JAKMIP1: variants seen among roughly 807,000 people sequenced by gnomAD.
JAKMIP1 encodes the protein janus kinase and microtubule interacting protein 1.
A neutral mutation model predicts 113.0 loss-of-function variants in JAKMIP1; 33 were observed. The ratio of observed to expected loss-of-function variants is 0.29; its 90% CI spans 0.22 to 0.39. The LOEUF (loss-of-function observed/expected upper bound fraction) is 0.39, where lower values mean the gene tolerates loss of function less well. JAKMIP1 is among the 10% of genes least tolerant of loss of function. The pLI is 1.00. For synonymous variants in JAKMIP1, 480 were observed against 459.9 expected (o/e 1.04, Z -0.56); for missense variants, 813 against 1,080.5 (o/e 0.75, Z 3.47).
intron 19 of JAKMIP1, among the ~76,000 whole-genome samples, chr4:6,035,195 C>G (rs966283957): frequency 6.6e-6 from 1 of 152,032 alleles, no homozygotes; most frequent in African/African-American, 2.4e-5. Context: ...TCCCTCCCCA[C>G]TGGTAATCTA....
rs369199720 is a variant in JAKMIP1 at position 6,178,278 on chromosome 4, C to T, written c.-148+21975G>A. On this transcript the variant is annotated intron_variant, in intron 1 of 20. Transcript: ENST00000409021. The surrounding 1 kb of genome is among the most constrained non-coding windows in gnomAD (Gnocchi z 5.5). ...AAGCAGCTTTTCCTTTGTTACCCTA[C>T]GATATGGTTTGGCTGTGTCCCCACC... 1.1e-4 allele frequency among the ~76,000 whole-genome samples: 17 copies of T among 152,302 alleles called. No individual in the cohort carries two copies. The highest frequency in any genetic ancestry group is 3.4e-3 in the Middle Eastern group (1 of 294).
rs1046380016 is a variant in JAKMIP1 at position 6,094,092 on chromosome 4, C to T, written c.625-8463G>A. ...TAGCCATGGCCCCCCAGGACTCCCCCGAGAGGCTGGCCCAGCAGGCATCTA... is the reference window on the plus strand; with the variant it reads ...TAGCCATGGCCCCCCAGGACTCCCCTGAGAGGCTGGCCCAGCAGGCATCTA... On this transcript the variant is annotated intron_variant, in intron 3 of 20. Coordinates refer to ENST00000409021, the MANE Select transcript of JAKMIP1 (RefSeq NM_001099433.2). This position sits in a 1 kb window ranked among gnomAD's most constrained non-coding sequence, Gnocchi z 4.2. Among the ~76,000 whole-genome samples, 3 of 152,086 alleles carry T rather than the reference C, an allele frequency of 2.0e-5. No homozygotes were observed. Among genetic ancestry groups the T allele is most frequent in the African/African-American group, 7.2e-5 (3 of 41,394 alleles).
rs963185092 is a variant in JAKMIP1 at position 6,089,131 on chromosome 4, C to T, written c.625-3502G>A. On this transcript the variant is annotated intron_variant, in intron 3 of 20. Transcript: ENST00000409021. This position sits in a 1 kb window ranked among gnomAD's most constrained non-coding sequence, Gnocchi z 5.3. ...AATGTGGGACCTGGCACAGTGGTGG[C>T]ATCCCCCCAGCACAGCATGAGAGCC... Among the ~76,000 whole-genome samples the T allele has an allele frequency of 6.6e-6, 1 of 152,206 alleles. No individual in the cohort carries two copies. The highest frequency in any genetic ancestry group is 1.5e-5 in the Non-Finnish European group (1 of 68,038).
In JAKMIP1 at chr4:6,098,739, G is replaced by GAAAGAAAGA. The variant is rs11388120; in HGVS notation, c.624+6733_624+6734insTCTTTCTTT. On this transcript the variant is annotated intron_variant, in intron 3 of 20. Coordinates refer to ENST00000409021, the MANE Select transcript of JAKMIP1 (RefSeq NM_001099433.2). ...AAGAAAGAAAAAGAAAGAAAGAGAA[G>GAAAGAAAGA]GAAGGAAGGAAGGAAAGAAAGAGAA... Among the ~76,000 whole-genome samples the GAAAGAAAGA allele has an allele frequency of 2.8e-3, 22 of 7,882 alleles. 1 individual carries two copies. Among genetic ancestry groups the GAAAGAAAGA allele is most frequent in the South Asian group, 0.011 (3 of 284 alleles). The allele number at this position is 7,882 out of a possible 152,430, so 5.2% of individuals were successfully genotyped here.
chr4:6,083,606 C>T (rs62284786), intron 5 of JAKMIP1, among the ~76,000 whole-genome samples: 1 of 145,576 alleles, frequency 6.9e-6, no homozygotes, highest in African/African-American at 2.5e-5. Flanking sequence ...CTGATTAAAG[C>T]CAAAAAAAAA....
At chr4:6,198,743 G>A (rs895109095) in intron 1 of JAKMIP1, among the ~76,000 whole-genome samples, 4 of 152,182 alleles carry the variant, frequency 2.6e-5, no homozygotes, top group Non-Finnish European at 5.9e-5. Flanking sequence ...GCCCTGCTAG[G>A]AAAGGATTCT....
intron 3 of JAKMIP1, 29 bp downstream of exon 3, chr4:6,105,444 C>A: frequency 6.4e-7 from 1 of 1,554,430 alleles, no homozygotes; most frequent in Non-Finnish European, 8.7e-7. Context: ...GGCCGCGTGC[C>A]CGCGGGCGGG....
rs1714533409 is a variant in JAKMIP1, at chr4:6,043,000, C to T, written c.2029-773G>A. Among the ~76,000 whole-genome samples the T allele has an allele frequency of 6.6e-6, 1 of 151,954 alleles. No homozygotes were observed. Among genetic ancestry groups the T allele is most frequent in the Admixed American group, 6.5e-5 (1 of 15,268 alleles). On this transcript the variant is annotated intron_variant, in intron 16 of 20. Transcript: ENST00000409021. The surrounding 1 kb of genome is among the most constrained non-coding windows in gnomAD (Gnocchi z 5.2). ...GGTGAGCACGGAGGCAGGTGTCATA[C>T]GTGGATGTGCCTCTACGAGGAGCCC...
Position 6,153,515 on chromosome 4 carries a change from T to C in JAKMIP1, c.-147-40518A>G, listed in dbSNP as rs958646794. Reference sequence around the variant, plus strand: ...CCGCCGCTGTGACTTCTGCATAAAATGCATGGTTCTTCTTTTCTTAAAATT... The same window carrying C: ...CCGCCGCTGTGACTTCTGCATAAAACGCATGGTTCTTCTTTTCTTAAAATT... On this transcript the variant is annotated intron_variant, in intron 1 of 20. Coordinates refer to ENST00000409021, the MANE Select transcript of JAKMIP1 (RefSeq NM_001099433.2). This position sits in a 1 kb window ranked among gnomAD's most constrained non-coding sequence, Gnocchi z 4.9. Among the ~76,000 whole-genome samples the C allele has an allele frequency of 2.6e-5, 4 of 152,232 alleles. No homozygotes were observed. Among genetic ancestry groups the C allele is most frequent in the African/African-American group, 9.6e-5 (4 of 41,468 alleles).
intron 1 of JAKMIP1, among the ~76,000 whole-genome samples, chr4:6,195,147 A>T (rs73200272): frequency 0.098 from 14,876 of 152,296 alleles, 937 homozygotes; most frequent in African/African-American, 0.17. Flanking sequence ...TGGGACAAGA[A>T]TAGCCGGTAA....
In JAKMIP1 at chr4:6,089,211, C is replaced by G. The variant is rs528658909; in HGVS notation, c.625-3582G>C. Among the ~76,000 whole-genome samples the G allele has an allele frequency of 1.2e-4, 18 of 152,320 alleles. No homozygotes were observed. The highest frequency in any genetic ancestry group is 2.2e-4 in the Non-Finnish European group (15 of 68,040). ...AGAGCAGAGCCCAAGAACCTGGGAT[C>G]CTGGATGACATCGTTAGTGCACCTG... On this transcript the variant is annotated intron_variant, in intron 3 of 20. Coordinates refer to ENST00000409021, the MANE Select transcript of JAKMIP1 (RefSeq NM_001099433.2). This position sits in a 1 kb window ranked among gnomAD's most constrained non-coding sequence, Gnocchi z 5.3.
rs1714203607 is a variant in JAKMIP1, at chr4:6,040,790, TAG to T, written c.2098-76_2098-75del. On this transcript the variant is annotated intron_variant, in intron 17 of 20. Transcript: ENST00000409021. This position sits in a 1 kb window ranked among gnomAD's most constrained non-coding sequence, Gnocchi z 5.8. ...CATGACAGCTTCAGAGCCCGTTTGC[TAG>T]AGAGTGGCAGTCTCACCGAATTGGG... 10 of 1,197,506 alleles carry T rather than the reference TAG, an allele frequency of 8.4e-6. No homozygotes were observed. Among genetic ancestry groups the T allele is most frequent in the Non-Finnish European group, 1.1e-5 (9 of 816,554 alleles). The allele number at this position is 1,197,506 out of a possible 1,614,324, so 74.2% of individuals were successfully genotyped here. A position where few individuals can be genotyped will look rare whatever the true frequency, so the allele number is the denominator to read the frequency against.
chr4:6,170,359 C>T lies in JAKMIP1; in HGVS notation c.-148+29894G>A, dbSNP rs547735938. 2.3e-3 allele frequency among the ~76,000 whole-genome samples: 351 copies of T among 151,088 alleles called. 2 individuals are homozygous for T. The highest frequency in any genetic ancestry group is 3.9e-3 in the Non-Finnish European group (263 of 67,674). The stretch of plus-strand genomic sequence containing the variant: ...TCCCCACCCTTCTCACCACCACCAC[C>T]ACCACCTCTATCACCACCATCACCA... On this transcript the variant is annotated intron_variant, in intron 1 of 20. Coordinates refer to ENST00000409021, the MANE Select transcript of JAKMIP1 (RefSeq NM_001099433.2).
At position 6,084,967 on chromosome 4, in the gene JAKMIP1, TAAAAA is replaced by T. The variant is rs56874913; in HGVS notation, c.835-7_835-3del. The T allele has an allele frequency of 8.4e-4, 317 of 376,694 alleles. No homozygotes were observed. Among genetic ancestry groups the T allele is most frequent in the Middle Eastern group, 2.5e-3 (2 of 804 alleles). 23.3% of individuals were successfully genotyped at this position (376,694 alleles called of 1,614,324 possible). ...ATCTCGCTCGTCCATATGTTGATCC[TAAAAA>T]AAAAAAAAAAAAAAAAAAAAAAGTC... On this transcript the variant is annotated splice_region_variant and splice_polypyrimidine_tract_variant and intron_variant, in intron 4 of 20. Transcript: ENST00000409021.
At chr4:6,092,145 C>T (rs1184856269) in intron 3 of JAKMIP1, among the ~76,000 whole-genome samples, 1 of 152,150 alleles carries the variant, frequency 6.6e-6, no homozygotes, top group Non-Finnish European at 1.5e-5. Context: ...CCCTCAGTGC[C>T]TTTCACTGGG....
rs762075069 is a variant in JAKMIP1 at position 6,186,622 on chromosome 4, GGCACTA to G, written c.-148+13625_-148+13630del. On this transcript the variant is annotated intron_variant, in intron 1 of 20. Transcript: ENST00000409021. This position sits in a 1 kb window ranked among gnomAD's most constrained non-coding sequence, Gnocchi z 5.5. ...GGTCTATCCTGGAAAATGATTCATG[GGCACTA>G]GAGAAGAATATTTATTCTGATGTCC... 5.3e-5 allele frequency among the ~76,000 whole-genome samples: 8 copies of G among 152,114 alleles called. No individual in the cohort carries two copies. The highest frequency in any genetic ancestry group is 1.2e-4 in the Non-Finnish European group (8 of 68,026).
intron 11 of JAKMIP1, among the ~76,000 whole-genome samples, chr4:6,058,670 C>T (rs1237925918): frequency 6.6e-6 from 1 of 152,238 alleles, no homozygotes; most frequent in Non-Finnish European, 1.5e-5. Context: ...ATAAATATCC[C>T]TGCTTTTCTT....
chr4:6,050,583 C>T lies in JAKMIP1; in HGVS notation c.1903G>A (p.Val635Ile). The part of the protein sequence containing the change: ...ALQLFCHQEG[V>I]KDVNVSELMK... ...GCACCCCCCAGGCACGCTACCTTAA[C>T]TCCTTCCTGGTGACAGAACAGCTGG... Residue 635 changes from valine to isoleucine, a missense_variant, in exon 14 of 21, where the codon GTT becomes ATT. Val to Ile is a conservative substitution (Grantham distance 29). This residue lies in a region of JAKMIP1 where 273 missense variants were observed against 426.6 expected (regional missense o/e 0.64). Coordinates refer to ENST00000409021, the MANE Select transcript of JAKMIP1 (RefSeq NM_001099433.2). This position sits in a 1 kb window ranked among gnomAD's most constrained non-coding sequence, Gnocchi z 7.4. 6.4e-7 allele frequency: 1 copy of T among 1,567,152 alleles called. No homozygotes were observed. The highest frequency in any genetic ancestry group is 8.7e-7 in the Non-Finnish European group (1 of 1,155,460).
intron 18 of JAKMIP1, among the ~76,000 whole-genome samples, chr4:6,039,864 AT>A (rs1002591955): frequency 3.2e-4 from 47 of 148,488 alleles, no homozygotes; most frequent in African/African-American, 8.4e-4. Context: ...TTTTAAAGTC[AT>A]TTTTTTTTTA....
Sources: allele counts gnomAD v4.1 joint callset (sites outside exome capture counted in the v4.1 genomes callset), GRCh38; gene constraint gnomAD v4.1.1; regional missense constraint gnomAD v4.1.1; non-coding constraint Gnocchi (gnomAD v3.1); transcripts MANE v1.5; gene names NCBI Gene and HGNC (gene_info 2026-07-23, HGNC 2026-07-21).